CAST: variants seen among roughly 807,000 people sequenced by gnomAD.
CAST encodes the protein MIR583 host.
A neutral mutation model predicts 119.6 loss-of-function variants in CAST; 76 were observed. That is an observed-to-expected ratio of 0.64 (90% CI 0.53 to 0.77). The LOEUF is 0.77. Ranked by LOEUF, CAST falls within the 30% of genes least tolerant of loss-of-function variation. The pLI is 0.00. For missense variants in CAST, 953 were observed against 946.5 expected (o/e 1.01, Z -0.09); for synonymous variants, 319 against 331.6 (o/e 0.96, Z 0.41).
chr5:96,340,506 G>C, the CAST span, among the ~76,000 whole-genome samples: 40 of 152,258 alleles, frequency 2.6e-4, no homozygotes, highest in Middle Eastern at 3.4e-3. Context: ...TTTTTAGTAA[G>C]GATTGAATCA....
chr5:96,435,151 T>G, the CAST span, among the ~76,000 whole-genome samples: 1 of 152,204 alleles, frequency 6.6e-6, no homozygotes, highest in Non-Finnish European at 1.5e-5. Context: ...GGGCAAATGT[T>G]TTATAACGGT....
chr5:96,556,914 C>A (rs1746252865), intron 1 of CAST, among the ~76,000 whole-genome samples: 1 of 152,202 alleles, frequency 6.6e-6, no homozygotes, highest in South Asian at 2.1e-4. Context: ...TTGTCAGATT[C>A]ACCAAAGTTG....
At chr5:96,385,843 A>G in the CAST span, among the ~76,000 whole-genome samples, 1 of 152,184 alleles carries the variant, frequency 6.6e-6, no homozygotes, top group Non-Finnish European at 1.5e-5. Flanking sequence ...TTAAGAATAA[A>G]TATTTATTCC....
chr5:96,726,736 T>C, intron 4 of CAST, 58 bp from the exon 5 acceptor site: 1 of 1,180,720 alleles, frequency 8.5e-7, no homozygotes, highest in East Asian at 2.3e-5. Flanking sequence ...TTGTACATGT[T>C]ACTTATTTGA....
At chr5:95,984,811 C>T in the CAST span, among the ~76,000 whole-genome samples, 1 of 152,034 alleles carries the variant, frequency 6.6e-6, no homozygotes, top group African/African-American at 2.4e-5. Context: ...TGTCTTGTGT[C>T]AAATATAAAT....
chr5:96,206,693 T>C, the CAST span, among the ~76,000 whole-genome samples: 1 of 152,294 alleles, frequency 6.6e-6, no homozygotes, highest in Non-Finnish European at 1.5e-5. Context: ...GTCATGCTGC[T>C]TTAATTACTG....
chr5:96,561,792 T>TTG (rs1554067787), intron 1 of CAST, among the ~76,000 whole-genome samples: 3 of 65,268 alleles, frequency 4.6e-5, no homozygotes, highest in Admixed American at 1.7e-4. Context: ...ATATGTTTTT[T>TTG]TTTGTTTTTT....
At chr5:96,182,852 T>C in the CAST span, among the ~76,000 whole-genome samples, 3 of 152,098 alleles carry the variant, frequency 2.0e-5, no homozygotes, top group African/African-American at 7.2e-5. Context: ...TAATACAAGG[T>C]TTCTGGCCGG....
chr5:96,690,549 G>A (rs6871552), intron 2 of CAST, among the ~76,000 whole-genome samples: 113 of 152,278 alleles, frequency 7.4e-4, no homozygotes, highest in African/African-American at 2.5e-3. Flanking sequence ...GAATTTCTAT[G>A]TAATATTATG....
At chr5:96,502,644 C>A in the CAST span, among the ~76,000 whole-genome samples, 1 of 150,824 alleles carries the variant, frequency 6.6e-6, no homozygotes, top group African/African-American at 2.4e-5. Context: ...TTCTTTCTTT[C>A]TTTCTTTCTT....
the CAST span, among the ~76,000 whole-genome samples, chr5:96,360,873 C>T: frequency 2.0e-5 from 3 of 152,330 alleles, no homozygotes; most frequent in African/African-American, 7.2e-5. Flanking sequence ...CTGGGAGATC[C>T]ACTGCTCTCT....
intron 3 of CAST, among the ~76,000 whole-genome samples, chr5:96,717,984 G>T (rs555052041): frequency 1.3e-5 from 2 of 152,280 alleles, no homozygotes; most frequent in East Asian, 3.9e-4. Context: ...TTCTATCCAG[G>T]TATGGGTGAT....
At chr5:96,705,988 A>G (rs916003748) in intron 3 of CAST, among the ~76,000 whole-genome samples, 3 of 152,242 alleles carry the variant, frequency 2.0e-5, no homozygotes, top group Non-Finnish European at 4.4e-5. Context: ...TTCCTCTCTC[A>G]GAATGCAAAC....
chr5:96,130,637 T>A, the CAST span, among the ~76,000 whole-genome samples: 6 of 152,070 alleles, frequency 3.9e-5, no homozygotes, highest in African/African-American at 7.2e-5. Context: ...GTTTATTTTT[T>A]AAAATTGCAC....
chr5:96,757,842 C>A (rs978898304), intron 24 of CAST, among the ~76,000 whole-genome samples, 188 bp downstream of exon 24: 6 of 151,986 alleles, frequency 3.9e-5, no homozygotes, highest in Non-Finnish European at 7.4e-5. Flanking sequence ...AGGGGTGCAC[C>A]ACCACACCCA....
chr5:96,562,256 G>GA (rs1746389320), intron 1 of CAST, among the ~76,000 whole-genome samples: 1 of 151,736 alleles, frequency 6.6e-6, no homozygotes, highest in Non-Finnish European at 1.5e-5. Flanking sequence ...TGACAACTGA[G>GA]AAAAATATTT....
chr5:96,487,075 T>C, the CAST span, among the ~76,000 whole-genome samples: 4 of 151,374 alleles, frequency 2.6e-5, no homozygotes, highest in Admixed American at 2.6e-4. Context: ...GCGCTTTTGG[T>C]TGTTGTAAAG....
At chr5:96,289,942 A>AG in the CAST span, among the ~76,000 whole-genome samples, 1 of 151,024 alleles carries the variant, frequency 6.6e-6, no homozygotes, top group Non-Finnish European at 1.5e-5. Context: ...TTTTTTTTTT[A>AG]AAAAAAACAG....
chr5:96,677,011 G>A (rs957056504), intron 2 of CAST, among the ~76,000 whole-genome samples: 5 of 150,000 alleles, frequency 3.3e-5, no homozygotes, highest in Admixed American at 6.7e-5. Context: ...CCGAGATCAC[G>A]CCACTGCACT....
Sources: allele counts gnomAD v4.1 joint callset (sites outside exome capture counted in the v4.1 genomes callset), GRCh38; gene constraint gnomAD v4.1.1; transcripts MANE v1.5; gene names NCBI Gene and HGNC (gene_info 2026-07-23, HGNC 2026-07-21).